Variants in SDK1 observed in about 807,000 individuals in gnomAD.
SDK1 encodes the protein sidekick cell adhesion molecule 1.
Under a neutral mutation model 245.5 loss-of-function variants are expected in SDK1, and 157 were observed. The ratio of observed to expected loss-of-function variants is 0.64; its 90% CI spans 0.56 to 0.73. The LOEUF is 0.73. Among genes scored for constraint, SDK1 ranks in the 30% least tolerant of loss-of-function variants. The pLI, the probability that SDK1 is intolerant of heterozygous loss-of-function variation, is 0.00. For missense variants in SDK1, 3,583 were observed against 3,002.3 expected (o/e 1.19, Z -4.52); for synonymous variants, 1,647 against 1,278.5 (o/e 1.29, Z -6.15).
intron 1 of SDK1, among the ~76,000 whole-genome samples, chr7:3,491,284 G>T (rs934786495): frequency 6.6e-6 from 1 of 152,202 alleles, no homozygotes; most frequent in African/African-American, 2.4e-5. Context: ...ACCTGAGGGT[G>T]CTTTAAAGAC....
At chr7:3,668,474 A>G (rs1783602876) in intron 4 of SDK1, among the ~76,000 whole-genome samples, 1 of 152,200 alleles carries the variant, frequency 6.6e-6, no homozygotes, top group South Asian at 2.1e-4. Context: ...AAGCTGTCAC[A>G]TAAAAACTAT....
At chr7:3,903,373 G>C (rs890725036) in intron 5 of SDK1, among the ~76,000 whole-genome samples, 1 of 151,982 alleles carries the variant, frequency 6.6e-6, no homozygotes, top group Non-Finnish European at 1.5e-5. Context: ...TCGATCATCT[G>C]CTGACCTTGT....
intron 1 of SDK1, among the ~76,000 whole-genome samples, chr7:3,595,500 C>A (rs1490221553): frequency 6.6e-6 from 1 of 151,938 alleles, no homozygotes; most frequent in Admixed American, 6.6e-5. Flanking sequence ...TAAACTGTTG[C>A]CTCCGATATA....
chr7:3,564,513 C>G (rs1779847027), intron 1 of SDK1, among the ~76,000 whole-genome samples: 1 of 151,696 alleles, frequency 6.6e-6, no homozygotes, highest in Admixed American at 6.6e-5. Context: ...ATAAAAAATA[C>G]AGGACAATGA....
intron 1 of SDK1, among the ~76,000 whole-genome samples, chr7:3,413,497 C>G (rs1175405595): frequency 2.0e-5 from 3 of 152,182 alleles, no homozygotes; most frequent in African/African-American, 4.8e-5. Context: ...GAGTTTGAGA[C>G]CAGCCTGGCC....
chr7:3,797,589 C>T (rs1201934867), intron 4 of SDK1, among the ~76,000 whole-genome samples: 1 of 151,966 alleles, frequency 6.6e-6, no homozygotes, highest in Non-Finnish European at 1.5e-5. Flanking sequence ...TCATGGAACC[C>T]CATTTACATA....
chr7:3,956,792 C>G (rs1220068485), intron 7 of SDK1, among the ~76,000 whole-genome samples: 1 of 152,148 alleles, frequency 6.6e-6, no homozygotes, highest in Non-Finnish European at 1.5e-5. Context: ...TGGAGAGGAG[C>G]AGCATCGTCT....
At position 4,208,167 on chromosome 7, in the gene SDK1, C is replaced by T. The variant is rs370302552; in HGVS notation, c.5283C>T (p.Pro1761=). ...EKMKVLFLPE[P]VVRLKNLTSH... ...TGAAGGTCCTCTTCCTCCCCGAGCC[C>T]GTGGTGAGGCTGAAGAACCTGACCA... Residue 1761 remains proline (P), a synonymous_variant, in exon 37 of 45, where the codon CCC becomes CCT. Coordinates refer to ENST00000404826, the MANE Select transcript of SDK1 (RefSeq NM_152744.4). The T allele has an allele frequency of 1.6e-5, 26 of 1,613,858 alleles. No individual in the cohort carries two copies. Among genetic ancestry groups the T allele is most frequent in the East Asian group, 2.2e-5 (1 of 44,870 alleles).
chr7:3,652,396 C>T (rs367873844), intron 4 of SDK1, among the ~76,000 whole-genome samples: 3 of 152,184 alleles, frequency 2.0e-5, no homozygotes, highest in Non-Finnish European at 2.9e-5. Flanking sequence ...GAAGGAGGGC[C>T]TGGAGTCATG....
chr7:3,600,787 A>G (rs1043238769), intron 1 of SDK1, among the ~76,000 whole-genome samples: 3 of 152,040 alleles, frequency 2.0e-5, no homozygotes, highest in Non-Finnish European at 4.4e-5. Context: ...TGACCTCATG[A>G]TCCGGCCATC....
intron 40 of SDK1, among the ~76,000 whole-genome samples, chr7:4,228,922 C>A (rs1785590898): frequency 6.6e-6 from 1 of 152,144 alleles, no homozygotes; most frequent in African/African-American, 2.4e-5. Context: ...AGAGAGCTGA[C>A]CCTAGCCTGG....
chr7:3,483,676 A>G (rs559341993), intron 1 of SDK1, among the ~76,000 whole-genome samples: 1 of 152,082 alleles, frequency 6.6e-6, no homozygotes, highest in Admixed American at 6.5e-5. Flanking sequence ...ATTTTCTCTA[A>G]ATTTTTGATA....
chr7:3,331,914 A>G (rs188398499), intron 1 of SDK1, among the ~76,000 whole-genome samples: 202 of 152,328 alleles, frequency 1.3e-3, no homozygotes, highest in Non-Finnish European at 2.4e-3. Flanking sequence ...CTTGCAATGT[A>G]GCTTTGCATT....
rs1272632498 is a variant in SDK1 at position 3,643,509 on chromosome 7, T to TCCC, written c.713+1404_713+1405insCCC. The stretch of plus-strand genomic sequence containing the variant: ...CACTCCCACCTGAGCAACTGTGGAA[T>TCCC]TCCTTCCGTAAACCTCGTGATTCTT... On this transcript the variant is annotated intron_variant, in intron 4 of 44. Transcript: ENST00000404826. The TCCC allele has an allele frequency of 4.3e-4, 61 of 141,676 alleles. 3 individuals carry two copies. The highest frequency in any genetic ancestry group is 6.9e-4 in the Non-Finnish European group (46 of 66,440). 8.8% of individuals were successfully genotyped at this position (141,676 alleles called of 1,614,324 possible). A position where few individuals can be genotyped will look rare whatever the true frequency, so the allele number is the denominator to read the frequency against.
At chr7:3,604,854 G>A (rs554309862) in intron 1 of SDK1, among the ~76,000 whole-genome samples, 2 of 151,454 alleles carry the variant, frequency 1.3e-5, no homozygotes, top group African/African-American at 4.8e-5. Flanking sequence ...TGCCCACCTC[G>A]GCCTCCCAAA....
At chr7:3,740,535 C>G (rs1453527660) in intron 4 of SDK1, among the ~76,000 whole-genome samples, 1 of 152,116 alleles carries the variant, frequency 6.6e-6, no homozygotes, top group African/African-American at 2.4e-5. Context: ...AAGAATGGAG[C>G]TTTTGAAGGC....
intron 5 of SDK1, among the ~76,000 whole-genome samples, chr7:3,849,362 C>T (rs979461697): frequency 4.6e-5 from 7 of 152,180 alleles, no homozygotes; most frequent in African/African-American, 7.2e-5. Flanking sequence ...ACTCCCCTTT[C>T]GACCTTGTAT....
chr7:3,341,574 A>G (rs1337524175), intron 1 of SDK1, among the ~76,000 whole-genome samples: 1 of 152,224 alleles, frequency 6.6e-6, no homozygotes, highest in Non-Finnish European at 1.5e-5. Context: ...AATCTAGAAA[A>G]AAAACTTCTT....
intron 4 of SDK1, among the ~76,000 whole-genome samples, chr7:3,691,004 C>T (rs2217610): frequency 0.84 from 127,692 of 152,184 alleles, 53,730 homozygotes; most frequent in Non-Finnish European, 0.86. Context: ...TTTGCCCTCA[C>T]TGGTTGATTT....
Sources: gnomAD v4.1 joint callset for allele counts (sites outside exome capture counted in the v4.1 genomes callset) on GRCh38, gnomAD v4.1.1 for gene constraint, MANE v1.5 for transcripts, NCBI Gene and HGNC (gene_info 2026-07-23, HGNC 2026-07-21) for gene names.